EYA3: variants seen among roughly 807,000 people sequenced by gnomAD.
EYA3 encodes EYA transcriptional coactivator and phosphatase 3.
EYA3 carries 39 observed loss-of-function variants against 80.0 expected under a neutral mutation model. The observed-to-expected ratio is 0.49, with a 90% CI of 0.38 to 0.64. The LOEUF (loss-of-function observed/expected upper bound fraction) is 0.64. Ranked by LOEUF, EYA3 falls within the 30% of genes least tolerant of loss-of-function variation. The probability of loss-of-function intolerance (pLI) is 0.00; values close to 1 mark genes in which losing one functional copy is unlikely to be tolerated. For missense variants in EYA3, 523 were observed against 676.1 expected, an observed-to-expected ratio of 0.77 and a Z score of 2.51; for synonymous variants, 206 against 232.8, an observed-to-expected ratio of 0.88 and a Z score of 1.05.
intron 16 of EYA3, among the ~76,000 whole-genome samples, chr1:27,980,400 G>A (rs186710408): frequency 1.3e-5 from 2 of 152,236 alleles, no homozygotes; most frequent in East Asian, 1.9e-4. Flanking sequence ...TTTCTTGTAA[G>A]ACTCAACAAA....
chr1:28,022,041 T>A (rs1642472437), intron 7 of EYA3, among the ~76,000 whole-genome samples: 1 of 152,198 alleles, frequency 6.6e-6, no homozygotes, highest in African/African-American at 2.4e-5. Context: ...CCTAAGTGGG[T>A]CATTCGTTCA....
intron 16 of EYA3, among the ~76,000 whole-genome samples, chr1:27,985,001 C>A (rs1639554907): frequency 6.6e-6 from 1 of 152,136 alleles, no homozygotes; most frequent in African/African-American, 2.4e-5. Flanking sequence ...AGGGTTTAAT[C>A]CCGATCACTC....
At position 27,998,001 on chromosome 1, in the gene EYA3, G is replaced by A. The variant is rs1640573583; in HGVS notation, c.1084-623C>T. Among the ~76,000 whole-genome samples the A allele has an allele frequency of 3.9e-5, 6 of 152,136 alleles. 1 individual carries two copies. The South Asian group carries it at 1.2e-3, about 32-fold the overall frequency. ...AGACTAGAAATAACCCAGGTTTTCT[G>A]CTTCTTTTTTTCCCCCGCTTCTAAT... On this transcript the variant is annotated intron_variant, in intron 12 of 17. Coordinates refer to ENST00000373871, the MANE Select transcript of EYA3 (RefSeq NM_001990.4).
intron 3 of EYA3, among the ~76,000 whole-genome samples, chr1:28,047,691 T>G (rs1311287833): frequency 1.4e-5 from 2 of 147,990 alleles, no homozygotes; most frequent in Non-Finnish European, 1.5e-5. Flanking sequence ...CAGGCTGGAG[T>G]GCAGTGGCGC....
At chr1:28,063,418 G>A (rs954261931) in intron 1 of EYA3, among the ~76,000 whole-genome samples, 8 of 143,598 alleles carry the variant, frequency 5.6e-5, no homozygotes, top group Non-Finnish European at 9.0e-5. Context: ...GCACAGCGGC[G>A]TAATCTCGGC....
At chr1:28,015,341 T>A (rs1373567077) in intron 8 of EYA3, among the ~76,000 whole-genome samples, 1 of 152,168 alleles carries the variant, frequency 6.6e-6, no homozygotes, top group African/African-American at 2.4e-5. Context: ...GCAATAAGAC[T>A]TGGATTCTTT....
chr1:28,020,532 T>C (rs1203436217), intron 7 of EYA3, among the ~76,000 whole-genome samples: 2 of 152,098 alleles, frequency 1.3e-5, no homozygotes, highest in East Asian at 3.8e-4. Context: ...AATAATTAAG[T>C]AATTTTTTTA....
At chr1:28,069,510 G>A (rs1412963594) in intron 1 of EYA3, among the ~76,000 whole-genome samples, 2 of 144,312 alleles carry the variant, frequency 1.4e-5, no homozygotes, top group East Asian at 4.2e-4. Context: ...CTGGTATGTT[G>A]ACCAGCCTGG....
At chr1:28,019,003 T>C (rs942536678) in intron 7 of EYA3, among the ~76,000 whole-genome samples, 5 of 151,904 alleles carry the variant, frequency 3.3e-5, no homozygotes, top group African/African-American at 4.8e-5. Flanking sequence ...CCATCTCCAC[T>C]AAAAATACAA....
chr1:28,035,855 C>T (rs1408949708), intron 5 of EYA3, among the ~76,000 whole-genome samples, 175 bp from the exon 6 acceptor site: 3 of 152,172 alleles, frequency 2.0e-5, no homozygotes, highest in Non-Finnish European at 4.4e-5. Flanking sequence ...TGCTCTGTCG[C>T]CCAGGCTGGA....
intron 11 of EYA3, among the ~76,000 whole-genome samples, chr1:28,002,752 C>T (rs1335907381): frequency 6.6e-6 from 1 of 151,896 alleles, no homozygotes; most frequent in African/African-American, 2.4e-5. Flanking sequence ...ATCGAAGCTG[C>T]AGTGAGCTGT....
In EYA3 at chr1:28,015,091, G is replaced by A. The variant is rs562939542; in HGVS notation, c.586-1797C>T. On this transcript the variant is annotated intron_variant, in intron 8 of 17. Coordinates refer to ENST00000373871, the MANE Select transcript of EYA3 (RefSeq NM_001990.4). ...TAAGTCACACTAGCAGAACTCAAGG[G>A]AGTTAAAAATCTAGCAGGAGAGAAG... Among the ~76,000 whole-genome samples the A allele has an allele frequency of 2.0e-4, 30 of 152,300 alleles. 3 individuals carry two copies. In the South Asian group the frequency reaches 6.0e-3, roughly 30 times the overall value.
intron 6 of EYA3, among the ~76,000 whole-genome samples, chr1:28,031,328 C>T (rs1031460437): frequency 3.3e-5 from 5 of 152,192 alleles, no homozygotes; most frequent in Non-Finnish European, 1.5e-5. Flanking sequence ...AATGGTTTGA[C>T]TCCACAGCAC....
chr1:28,044,342 C>T (rs188962173), intron 3 of EYA3, among the ~76,000 whole-genome samples: 70 of 152,232 alleles, frequency 4.6e-4, no homozygotes, highest in Admixed American at 8.5e-4. Context: ...TTTCTACATC[C>T]GTCAACGAGA....
chr1:28,081,004 G>A (rs1279878368), intron 1 of EYA3, among the ~76,000 whole-genome samples: 11 of 151,816 alleles, frequency 7.2e-5, no homozygotes, highest in African/African-American at 1.9e-4. Flanking sequence ...TGATCCTCCC[G>A]CCTCGGCCTC....
rs769226904 is a variant in EYA3 at position 28,017,179 on chromosome 1, G to A, written c.560C>T (p.Ala187Val). The change falls in exon 8 of 18, where the codon GCA (alanine) becomes GTA (valine). Residue 187 changes from alanine to valine, a missense_variant. By Grantham distance (64) the Ala-to-Val change is moderately conservative. Coordinates refer to ENST00000373871, the MANE Select transcript of EYA3 (RefSeq NM_001990.4). ...TSSTIANIPA[A>V]AVASISNQDY... ...CTGGTTTGAGATGCTGGCTACTGCT[G>A]CTGCTGGAATATTGGCAATTGTAGA... is the stretch of plus-strand genomic sequence containing the variant. The A allele has an allele frequency of 1.5e-5, 25 of 1,613,796 alleles. No homozygotes were observed. Among genetic ancestry groups the A allele is most frequent in the Non-Finnish European group, 1.9e-5 (22 of 1,179,810 alleles).
At chr1:28,004,466 G>T in intron 10 of EYA3, 47 bp from the exon 11 acceptor site, 1 of 1,374,060 alleles carries the variant, frequency 7.3e-7, no homozygotes, top group Non-Finnish European at 1.0e-6. Context: ...CAATTACAAT[G>T]GAATGAAACC....
At chr1:28,002,548 T>C (rs1317875352) in intron 11 of EYA3, among the ~76,000 whole-genome samples, 25 of 151,474 alleles carry the variant, frequency 1.7e-4, no homozygotes, top group Non-Finnish European at 5.9e-5. Flanking sequence ...TAGAAGCTCA[T>C]GCCTATAATC....
chr1:28,051,902 A>T (rs1049782703), intron 2 of EYA3, among the ~76,000 whole-genome samples: 1 of 151,978 alleles, frequency 6.6e-6, no homozygotes, highest in South Asian at 2.1e-4. Context: ...AAATTCACAA[A>T]TTGATCTTAA....
Sources: allele counts gnomAD v4.1 joint callset (sites outside exome capture counted in the v4.1 genomes callset), GRCh38; gene constraint gnomAD v4.1.1; transcripts MANE v1.5; gene names NCBI Gene and HGNC (gene_info 2026-07-23, HGNC 2026-07-21).